RIN2: variants seen among roughly 807,000 people sequenced by gnomAD.
RIN2 encodes the protein RAB5 interacting protein 2.
RIN2 carries 36 observed loss-of-function variants against 78.0 expected under a neutral mutation model. The observed-to-expected ratio is 0.46, with a 90% CI of 0.35 to 0.61. The LOEUF (loss-of-function observed/expected upper bound fraction) is 0.61, where lower values mean the gene tolerates loss of function less well. RIN2 is among the 20% of genes least tolerant of loss of function. The pLI, the probability that RIN2 is intolerant of heterozygous loss-of-function variation, is 0.00. For missense variants in RIN2, 1,087 were observed against 1,159.7 expected (o/e 0.94, Z 0.91); for synonymous variants, 466 against 466.8 (o/e 1.00, Z 0.02).
intron 1 of RIN2, among the ~76,000 whole-genome samples, chr20:19,787,479 G>A (rs1443713051): frequency 6.6e-5 from 10 of 151,624 alleles, no homozygotes; most frequent in Non-Finnish European, 1.5e-5. Flanking sequence ...CTCAAATGCG[G>A]GGCTAGAGGG....
chr20:19,938,249 C>T (rs894967440), intron 4 of RIN2, among the ~76,000 whole-genome samples: 10 of 152,152 alleles, frequency 6.6e-5, no homozygotes, highest in African/African-American at 2.4e-4. Context: ...GACAGAGTCT[C>T]ACTCTGTTAC....
In RIN2 at chr20:19,920,252, C is replaced by A. The variant is rs182175406; in HGVS notation, c.58-14847C>A. ...GGGAGCTTGCAGTGAGCTGAGATCG[C>A]GCCACTGCACTCCAGTCTGGGCGAC... On this transcript the variant is annotated intron_variant, in intron 3 of 12. Coordinates refer to ENST00000255006, the MANE Select transcript of RIN2 (RefSeq NM_018993.4). Among the ~76,000 whole-genome samples the A allele has an allele frequency of 7.5e-4, 112 of 149,356 alleles. 1 individual carries two copies. Among genetic ancestry groups the A allele is most frequent in the Middle Eastern group, 3.5e-3 (1 of 286 alleles).
At chr20:19,806,347 A>G (rs548736189) in intron 2 of RIN2, among the ~76,000 whole-genome samples, 25 of 152,336 alleles carry the variant, frequency 1.6e-4, no homozygotes, top group Middle Eastern at 3.4e-3. Flanking sequence ...ACAGTGTAAA[A>G]GCGTTCCTAT....
In RIN2 at chr20:19,767,093, G is replaced by A. The variant is rs140439295; in HGVS notation, c.-163+8766G>A. ...GAAAAGGCATACAGATTTACTTAAC[G>A]TGTCTACAGAGGAGCCTTCAGAATG... On this transcript the variant is annotated intron_variant, in intron 1 of 12. Transcript: ENST00000255006. Among the ~76,000 whole-genome samples, 1,163 of 152,248 alleles carry A rather than the reference G, an allele frequency of 7.6e-3. 9 individuals are homozygous for A. Among genetic ancestry groups the A allele is most frequent in the Non-Finnish European group, 0.011 (744 of 68,010 alleles).
chr20:19,765,038 C>T (rs180799740), intron 1 of RIN2, among the ~76,000 whole-genome samples: 17 of 145,308 alleles, frequency 1.2e-4, no homozygotes, highest in African/African-American at 3.3e-4. Flanking sequence ...TTAGTAGAGA[C>T]GGGGTTTCAC....
At chr20:19,865,875 T>C (rs1328540864) in intron 2 of RIN2, among the ~76,000 whole-genome samples, 1 of 152,058 alleles carries the variant, frequency 6.6e-6, no homozygotes, top group Non-Finnish European at 1.5e-5. Flanking sequence ...TTTGCATACA[T>C]ATAATAGAAG....
intron 3 of RIN2, among the ~76,000 whole-genome samples, chr20:19,892,297 A>C (rs1289184508): frequency 5.3e-5 from 8 of 152,034 alleles, no homozygotes; most frequent in Non-Finnish European, 1.0e-4. Flanking sequence ...GCTCACTGCA[A>C]CCTCTGCCTC....
chr20:19,833,452 C>T (rs1219501856), intron 2 of RIN2, among the ~76,000 whole-genome samples: 3 of 152,178 alleles, frequency 2.0e-5, no homozygotes, highest in Non-Finnish European at 4.4e-5. Flanking sequence ...TGTTGTTCCC[C>T]TTCCCGTGTC....
intron 11 of RIN2, among the ~76,000 whole-genome samples, chr20:19,995,261 TAA>T (rs74180976): frequency 2.4e-5 from 3 of 122,688 alleles, no homozygotes; most frequent in Admixed American, 8.2e-5. Flanking sequence ...GTTTTTTTTT[TAA>T]AAAAAAAAAA....
At chr20:19,849,643 C>G (rs2036898347) in intron 2 of RIN2, among the ~76,000 whole-genome samples, 1 of 152,114 alleles carries the variant, frequency 6.6e-6, no homozygotes, top group Non-Finnish European at 1.5e-5. Flanking sequence ...TCTACTGGGA[C>G]CCATAATTGC....
At chr20:19,810,954 G>A (rs1174003787) in intron 2 of RIN2, among the ~76,000 whole-genome samples, 5 of 150,314 alleles carry the variant, frequency 3.3e-5, no homozygotes, top group African/African-American at 9.7e-5. Flanking sequence ...CTCGTGATCC[G>A]CCCGCCTCGG....
intron 3 of RIN2, among the ~76,000 whole-genome samples, chr20:19,929,749 CAAA>C (rs1172031835): frequency 6.6e-6 from 1 of 152,070 alleles, no homozygotes; most frequent in Non-Finnish European, 1.5e-5. Context: ...TTTCTGCCCT[CAAA>C]GAAGGAAATT....
chr20:19,895,793 A>G (rs2038693413), intron 3 of RIN2: 2 of 152,224 alleles, frequency 1.3e-5, no homozygotes, highest in South Asian at 2.1e-4. Flanking sequence ...CACCACAAAG[A>G]CTAGACCTGC....
intron 1 of RIN2, among the ~76,000 whole-genome samples, chr20:19,769,149 T>C (rs2122387744): frequency 1.3e-5 from 2 of 152,336 alleles, no homozygotes; most frequent in South Asian, 4.1e-4. Flanking sequence ...CTTGAACTCC[T>C]GACCTCAGGT....
intron 3 of RIN2, among the ~76,000 whole-genome samples, chr20:19,923,190 G>A (rs1160311960): frequency 6.6e-6 from 1 of 152,054 alleles, no homozygotes; most frequent in South Asian, 2.1e-4. Context: ...GGCTGAGGCG[G>A]GTGGATCACA....
intron 4 of RIN2, among the ~76,000 whole-genome samples, chr20:19,941,837 G>T (rs79774619): frequency 0.034 from 5,244 of 152,118 alleles, 173 homozygotes; most frequent in South Asian, 0.18. Flanking sequence ...TATTTAAGCC[G>T]GGCAGGGTGA....
At chr20:19,935,051 C>T (rs1192931942) in intron 3 of RIN2, 48 bp from the exon 4 acceptor site, 6 of 1,440,572 alleles carry the variant, frequency 4.2e-6, no homozygotes, top group Non-Finnish European at 4.8e-6. Context: ...TGTGGGCATG[C>T]CACGCCTCTC....
chr20:19,975,552 C>G lies in RIN2; in HGVS notation c.1527C>G (p.Thr509=). 1.9e-6 allele frequency: 3 copies of G among 1,614,038 alleles called. No individual in the cohort carries two copies. Among genetic ancestry groups the G allele is most frequent in the Middle Eastern group, 1.6e-4 (1 of 6,062 alleles). The change falls in exon 9 of 13, where the codon ACC becomes ACG. Residue 509 remains threonine, a synonymous_variant. Transcript: ENST00000255006. The surrounding 1 kb of genome is among the most constrained non-coding windows in gnomAD (Gnocchi z 4.9). The stretch of plus-strand genomic sequence containing the variant: ...GCGGGGTGTTCAGCTCCTTCATGAC[C>G]CCGGAGAAGCGGATGGTCCGCAGGA... The part of the protein sequence containing the change: ...KVSGVFSSFM[T]PEKRMVRRIA...
At chr20:19,878,982 A>G (rs866374633) in intron 2 of RIN2, among the ~76,000 whole-genome samples, 6 of 152,322 alleles carry the variant, frequency 3.9e-5, no homozygotes, top group Middle Eastern at 3.4e-3. Flanking sequence ...CAGACGTCTG[A>G]ACAAGAGGAT....
Sources: gnomAD v4.1 joint callset for allele counts (sites outside exome capture counted in the v4.1 genomes callset) on GRCh38, gnomAD v4.1.1 for gene constraint, Gnocchi (gnomAD v3.1) non-coding constraint, MANE v1.5 for transcripts, NCBI Gene and HGNC (gene_info 2026-07-23, HGNC 2026-07-21) for gene names.